The following SHB variants were observed in gnomAD, a reference collection of about 807,000 sequenced individuals.
The protein encoded by SHB is SH2 domain containing adaptor protein B.
SHB carries 20 observed loss-of-function variants against 52.3 expected under a neutral mutation model. The observed-to-expected ratio is 0.38, with a 90% CI of 0.27 to 0.56. The LOEUF (loss-of-function observed/expected upper bound fraction) is 0.56. SHB is among the 20% of genes least tolerant of loss of function. The probability of loss-of-function intolerance (pLI) is 0.71; values close to 1 mark genes in which losing one functional copy is unlikely to be tolerated. For synonymous variants in SHB, 397 were observed against 316.5 expected (o/e 1.25, Z -2.70); for missense variants, 825 against 723.3 (o/e 1.14, Z -1.61).
At chr9:38,004,401 C>A (rs373067504) in intron 2 of SHB, among the ~76,000 whole-genome samples, 3 of 152,100 alleles carry the variant, frequency 2.0e-5, no homozygotes. Flanking sequence ...AGGGAAGGGC[C>A]GCGGTGGAGC....
Position 38,068,641 on chromosome 9 carries a change from G to A in SHB, c.5C>T (p.Ala2Val). 1 of 1,438,468 alleles carries A rather than the reference G, an allele frequency of 7.0e-7. No homozygotes were observed. Among genetic ancestry groups the A allele is most frequent in the Non-Finnish European group, 9.1e-7 (1 of 1,104,708 alleles). 89.1% of individuals were successfully genotyped at this position (1,438,468 alleles called of 1,614,324 possible). Reference protein sequence around the residue: MAKWLNKYFSLG... With the variant: MVKWLNKYFSLG... ...GCTGAAGTACTTGTTTAGCCACTTGGCCATGGCGAGAGGCCGCCTAGGGCC... is the reference window on the plus strand; with the variant it reads ...GCTGAAGTACTTGTTTAGCCACTTGACCATGGCGAGAGGCCGCCTAGGGCC... The change falls in exon 1 of 6, where the codon GCC (alanine) becomes GTC (valine). Residue 2 changes from alanine (A) to valine (V), a missense_variant. Physicochemically the swap from Ala to Val is moderately conservative, Grantham distance 64 (BLOSUM62 0). Transcript: ENST00000377707.
intron 1 of SHB, among the ~76,000 whole-genome samples, chr9:38,035,151 C>T (rs1162920519): frequency 2.0e-5 from 3 of 151,974 alleles, no homozygotes; most frequent in African/African-American, 7.3e-5. Flanking sequence ...GTGGTCAACC[C>T]CTGGCACAGG....
chr9:37,942,570 G>T (rs1041461823), intron 5 of SHB, among the ~76,000 whole-genome samples: 1 of 152,222 alleles, frequency 6.6e-6, no homozygotes, highest in Non-Finnish European at 1.5e-5. Flanking sequence ...GAAAAGCTGG[G>T]AGAAGCAGAG....
At chr9:38,046,173 G>A (rs1002168528) in intron 1 of SHB, among the ~76,000 whole-genome samples, 2 of 152,082 alleles carry the variant, frequency 1.3e-5, no homozygotes, top group African/African-American at 2.4e-5. Flanking sequence ...GTTGCAGTGA[G>A]CCGAGATAAG....
rs139834119 is a variant in SHB, at chr9:37,951,998, G to A, written c.1227-3244C>T. ...TCATCTCAGGGATGGGCTGGACCTC[G>A]TGGGGTTGGCCAGTCAGGTCAGAAC... On this transcript the variant is annotated intron_variant, in intron 4 of 5. Coordinates refer to ENST00000377707, the MANE Select transcript of SHB (RefSeq NM_003028.3). Among the ~76,000 whole-genome samples the A allele has an allele frequency of 1.1e-3, 164 of 152,298 alleles. 1 individual carries two copies. The highest frequency in any genetic ancestry group is 3.8e-3 in the African/African-American group (157 of 41,552).
chr9:37,961,998 G>A (rs754227610), intron 3 of SHB, among the ~76,000 whole-genome samples: 15 of 152,324 alleles, frequency 9.8e-5, no homozygotes, highest in East Asian at 7.7e-4. Context: ...GCAGTGACTC[G>A]ACTCACAGTT....
At chr9:38,057,769 A>G (rs1821839891) in intron 1 of SHB, among the ~76,000 whole-genome samples, 1 of 152,046 alleles carries the variant, frequency 6.6e-6, no homozygotes, top group South Asian at 2.1e-4. Flanking sequence ...AAACCTGCAG[A>G]CTCTCATTCC....
At chr9:37,955,787 C>T (rs1349389282) in intron 4 of SHB, 96 bp downstream of exon 4, 4 of 1,246,142 alleles carry the variant, frequency 3.2e-6, no homozygotes. Flanking sequence ...CACGCCCGGC[C>T]CAGTCTGTGG....
At chr9:38,008,884 C>T (rs546878546) in intron 2 of SHB, among the ~76,000 whole-genome samples, 1 of 152,252 alleles carries the variant, frequency 6.6e-6, no homozygotes, top group African/African-American at 2.4e-5. Context: ...CAGAGCTGTG[C>T]AGGGAGGCAA....
At chr9:37,933,383 G>A (rs990617602) in intron 5 of SHB, among the ~76,000 whole-genome samples, 1 of 152,216 alleles carries the variant, frequency 6.6e-6, no homozygotes, top group Non-Finnish European at 1.5e-5. Flanking sequence ...AACCTTTGAA[G>A]CTTGGCACAT....
Position 38,068,661 on chromosome 9 carries a change from A to T in SHB, c.-16T>A. On this transcript the variant is annotated 5_prime_UTR_variant, in exon 1 of 6. An upstream open reading frame in the 5' UTR loses its in-frame stop. Transcript: ENST00000377707. ...ACTTGGCCATGGCGAGAGGCCGCCT[A>T]GGGCCGCGGCGCGGGAGCCCGGTCC... is the stretch of plus-strand genomic sequence containing the variant. 7.5e-7 allele frequency: 1 copy of T among 1,335,002 alleles called. No homozygotes were observed. The highest frequency in any genetic ancestry group is 9.5e-7 in the Non-Finnish European group (1 of 1,049,926). The allele number at this position is 1,335,002 out of a possible 1,614,324, so 82.7% of individuals were successfully genotyped here. A position where few individuals can be genotyped will look rare whatever the true frequency, so the allele number is the denominator to read the frequency against.
At chr9:37,964,037 C>T (rs778877477) in intron 3 of SHB, among the ~76,000 whole-genome samples, 3 of 152,182 alleles carry the variant, frequency 2.0e-5, no homozygotes, top group Non-Finnish European at 2.9e-5. Flanking sequence ...TTTTGCTCAC[C>T]CACCTACCCC....
chr9:38,006,160 C>T (rs1469668282), intron 2 of SHB, among the ~76,000 whole-genome samples: 2 of 152,148 alleles, frequency 1.3e-5, no homozygotes, highest in African/African-American at 2.4e-5. Flanking sequence ...CTCTCCCTTC[C>T]ACACAGCACC....
intron 5 of SHB, among the ~76,000 whole-genome samples, chr9:37,930,904 C>CA (rs764446332): frequency 6.6e-6 from 1 of 152,126 alleles, no homozygotes; most frequent in Non-Finnish European, 1.5e-5. Context: ...ATGATACTGG[C>CA]ATACAAACAG....
At position 37,984,731 on chromosome 9, in the gene SHB, C is replaced by T. The variant is rs370929190; in HGVS notation, c.839-9894G>A. On this transcript the variant is annotated intron_variant, in intron 2 of 5. Transcript: ENST00000377707. Reference sequence around the variant, plus strand: ...CCAGGCGGTTCTTCCTAATTAGACACGCCGCAAAACCAGCCAAGTTCCAGG... The same window carrying T: ...CCAGGCGGTTCTTCCTAATTAGACATGCCGCAAAACCAGCCAAGTTCCAGG... Among the ~76,000 whole-genome samples, 10 of 152,178 alleles carry T rather than the reference C, an allele frequency of 6.6e-5. No homozygotes were observed. In the East Asian group the frequency reaches 7.7e-4, roughly 12 times the overall value.
intron 5 of SHB, among the ~76,000 whole-genome samples, chr9:37,938,958 C>T (rs1564083193): frequency 6.6e-6 from 1 of 152,168 alleles, no homozygotes; most frequent in African/African-American, 2.4e-5. Flanking sequence ...GTCTACGTTG[C>T]AGCCGGGAGA....
intron 1 of SHB, among the ~76,000 whole-genome samples, chr9:38,054,895 A>C (rs1208476916): frequency 6.6e-6 from 1 of 152,208 alleles, no homozygotes; most frequent in Non-Finnish European, 1.5e-5. Context: ...AAATCTCAAC[A>C]TTGGAAGTTT....
intron 1 of SHB, among the ~76,000 whole-genome samples, chr9:38,021,288 C>T (rs1207782460): frequency 2.7e-5 from 4 of 147,380 alleles, no homozygotes; most frequent in African/African-American, 1.0e-4. Context: ...TGTGGTGAGC[C>T]GAGATCGCGC....
At position 38,067,974 on chromosome 9, in the gene SHB, G is replaced by A. The variant is rs748923302; in HGVS notation, c.672C>T (p.Cys224=). Residue 224 remains cysteine (C), a synonymous_variant, in exon 1 of 6, where the codon TGC becomes TGT. Coordinates refer to ENST00000377707, the MANE Select transcript of SHB (RefSeq NM_003028.3). ...ACGGKKLLNK[C]AASAAEESGA... ...CGCTCTCCTCCGCGGCTGAGGCGGCGCACTTGTTGAGCAGTTTCTTGCCTC... is the reference window on the plus strand; with the variant it reads ...CGCTCTCCTCCGCGGCTGAGGCGGCACACTTGTTGAGCAGTTTCTTGCCTC... 3 of 1,552,568 alleles carry A rather than the reference G, an allele frequency of 1.9e-6. No homozygotes were observed. Among genetic ancestry groups the A allele is most frequent in the East Asian group, 2.5e-5 (1 of 40,524 alleles).
Sources: allele counts gnomAD v4.1 joint callset (sites outside exome capture counted in the v4.1 genomes callset), GRCh38; gene constraint gnomAD v4.1.1; transcripts MANE v1.5; gene names NCBI Gene and HGNC (gene_info 2026-07-23, HGNC 2026-07-21).